Variants in PLSCR1 observed in about 807,000 individuals in gnomAD.
The protein encoded by PLSCR1 is phospholipid scramblase 1.
PLSCR1 carries 17 observed loss-of-function variants against 37.8 expected under a neutral mutation model. The ratio of observed to expected loss-of-function variants is 0.45; its 90% confidence interval spans 0.31 to 0.68. The LOEUF is 0.68. Among genes scored for constraint, PLSCR1 ranks in the 30% least tolerant of loss-of-function variants. PLSCR1 has a pLI of 0.06. For synonymous variants in PLSCR1, 116 were observed against 125.9 expected, an observed-to-expected ratio of 0.92 and a Z score of 0.53; for missense variants, 347 against 380.9, an observed-to-expected ratio of 0.91 and a Z score of 0.74.
At chr3:146,533,613 A>C in intron 2 of PLSCR1, 63 bp from the exon 3 acceptor site, 2 of 969,730 alleles carry the variant, frequency 2.1e-6, no homozygotes, top group Non-Finnish European at 3.3e-6. Flanking sequence ...GAAAGAAACA[A>C]TGTATTGTAC....
rs148442510 is a variant in PLSCR1, at chr3:146,531,316, G to A, written c.94+2154C>T. ...GGCTCAAGAGGAAGTTAAAGAGAGA[G>A]CATGGAAAAGGCCATCCTGAGTTTA... is the stretch of plus-strand genomic sequence containing the variant. On this transcript the variant is annotated intron_variant, in intron 3 of 8. Coordinates refer to ENST00000342435, the MANE Select transcript of PLSCR1 (RefSeq NM_021105.3). Among the ~76,000 whole-genome samples, 555 of 152,276 alleles carry A rather than the reference G, an allele frequency of 3.6e-3. 3 individuals carry two copies. Among genetic ancestry groups the A allele is most frequent in the African/African-American group, 0.013 (539 of 41,568 alleles).
At chr3:146,532,585 G>C (rs2044213751) in intron 3 of PLSCR1, among the ~76,000 whole-genome samples, 2 of 152,142 alleles carry the variant, frequency 1.3e-5, no homozygotes, top group South Asian at 2.1e-4. Flanking sequence ...GAGGTTTCTT[G>C]CTAGGCAATT....
Position 146,526,191 on chromosome 3 carries a change from AAAAAAAAAAAAAAG to A in PLSCR1, c.313-558_313-545del, listed in dbSNP as rs1404916484. Among the ~76,000 whole-genome samples, 269 of 143,276 alleles carry A rather than the reference AAAAAAAAAAAAAAG, an allele frequency of 1.9e-3. 4 individuals carry two copies. The highest frequency in any genetic ancestry group is 6.5e-3 in the African/African-American group (258 of 39,570). The allele number at this position is 143,276 out of a possible 152,430, so 94.0% of individuals were successfully genotyped here. ...AGCGTGAGACTCCATCTCAAAAAAAAAAAAAAAAAAAAAGAAAGAAAAAAAAAAGAAAAGAAAAT... is the reference window on the plus strand; with the variant it reads ...AGCGTGAGACTCCATCTCAAAAAAAAAAAGAAAAAAAAAAGAAAAGAAAAT... On this transcript the variant is annotated intron_variant, in intron 4 of 8. Coordinates refer to ENST00000342435, the MANE Select transcript of PLSCR1 (RefSeq NM_021105.3).
chr3:146,524,945 T>A (rs1488481471), intron 5 of PLSCR1, among the ~76,000 whole-genome samples: 1 of 152,222 alleles, frequency 6.6e-6, no homozygotes. Flanking sequence ...CTATGGTTCA[T>A]AAATCTATCC....
At chr3:146,537,474 T>C (rs574592905) in intron 1 of PLSCR1, among the ~76,000 whole-genome samples, 3 of 152,284 alleles carry the variant, frequency 2.0e-5, no homozygotes, top group African/African-American at 7.2e-5. Flanking sequence ...CTTTAAATTA[T>C]CTTACTGTGC....
At chr3:146,529,986 C>A (rs1015889887) in intron 3 of PLSCR1, among the ~76,000 whole-genome samples, 3 of 152,086 alleles carry the variant, frequency 2.0e-5, no homozygotes, top group Admixed American at 2.0e-4. Flanking sequence ...ATCCTTTGGT[C>A]TCTGGAAAAT....
rs140317004 is a variant in PLSCR1, at chr3:146,528,191, C to T, written c.312+423G>A. ...AGCACTTCGCTCAGTACCAAAGTTT[C>T]GGGATTAAAAAAACAGTCTTGACTC... On this transcript the variant is annotated intron_variant, in intron 4 of 8. Coordinates refer to ENST00000342435, the MANE Select transcript of PLSCR1 (RefSeq NM_021105.3). 1.5e-3 allele frequency: 246 copies of T among 164,308 alleles called. 2 individuals carry two copies. Among genetic ancestry groups the T allele is most frequent in the African/African-American group, 5.6e-3 (233 of 41,690 alleles). 10.2% of individuals were successfully genotyped at this position (164,308 alleles called of 1,614,324 possible). A position where few individuals can be genotyped will look rare whatever the true frequency, so the allele number is the denominator to read the frequency against.
chr3:146,517,377 T>A, intron 7 of PLSCR1: 1 of 278,580 alleles, frequency 3.6e-6, no homozygotes, highest in Non-Finnish European at 6.6e-6. Context: ...AAAGTTTTCC[T>A]GAAATATTTA....
chr3:146,533,869 TTACA>T (rs1285803589), intron 2 of PLSCR1, among the ~76,000 whole-genome samples: 3 of 152,112 alleles, frequency 2.0e-5, no homozygotes, highest in Non-Finnish European at 4.4e-5. Flanking sequence ...AGCTTTAAAA[TTACA>T]TACAGACTAC....
At chr3:146,528,064 A>C (rs2044143927) in intron 4 of PLSCR1, 1 of 152,352 alleles carries the variant, frequency 6.6e-6, no homozygotes, top group African/African-American at 2.4e-5. Context: ...TATACATAAA[A>C]TATTAACCCC....
In PLSCR1 at chr3:146,515,538, T is replaced by C. The variant is rs1259357011; in HGVS notation, c.*507A>G. 1 of 151,960 alleles carries C rather than the reference T, an allele frequency of 6.6e-6. No individual in the cohort carries two copies. Among genetic ancestry groups the C allele is most frequent in the Non-Finnish European group, 1.5e-5 (1 of 67,954 alleles). The allele number at this position is 151,960 out of a possible 1,614,324, so 9.4% of individuals were successfully genotyped here. ...AGGAGAAGTTAAGTGTAGCATGATT[T>C]CTTGAAGATTAAAAAAACATTTAAC... is the stretch of plus-strand genomic sequence containing the variant. On this transcript the variant is annotated 3_prime_UTR_variant, in exon 9 of 9. Transcript: ENST00000342435.
intron 1 of PLSCR1, among the ~76,000 whole-genome samples, chr3:146,544,264 T>C (rs1241024064): frequency 1.3e-5 from 2 of 152,188 alleles, no homozygotes; most frequent in Non-Finnish European, 2.9e-5. Context: ...CCAGGGTCCC[T>C]TTCAGAGGCC....
intron 1 of PLSCR1, among the ~76,000 whole-genome samples, chr3:146,543,305 G>A (rs1015691869): frequency 2.0e-5 from 3 of 152,156 alleles, no homozygotes; most frequent in African/African-American, 7.2e-5. Context: ...AAGGCAGTTT[G>A]ATCTATAAAC....
chr3:146,521,401 C>A, intron 7 of PLSCR1, 143 bp downstream of exon 7: 1 of 732,962 alleles, frequency 1.4e-6, no homozygotes, highest in East Asian at 2.6e-5. Context: ...ACCACTCTGC[C>A]CAAAGTTAAA....
intron 4 of PLSCR1, among the ~76,000 whole-genome samples, chr3:146,527,201 A>G (rs2044130184): frequency 6.6e-6 from 1 of 152,158 alleles, no homozygotes; most frequent in African/African-American, 2.4e-5. Flanking sequence ...GGAGAGGTAT[A>G]AAGAGAAGTT....
At chr3:146,529,376 T>G (rs779826055) in intron 3 of PLSCR1, among the ~76,000 whole-genome samples, 1 of 152,136 alleles carries the variant, frequency 6.6e-6, no homozygotes, top group Non-Finnish European at 1.5e-5. Flanking sequence ...AAGATAATAC[T>G]GCATCTGGTG....
intron 1 of PLSCR1, among the ~76,000 whole-genome samples, chr3:146,537,114 A>G (rs950598223): frequency 2.1e-5 from 3 of 141,046 alleles, no homozygotes; most frequent in Admixed American, 1.4e-4. Context: ...CCGTGCATTC[A>G]GAGATTTTTT....
chr3:146,536,212 T>A (rs2044262339), intron 2 of PLSCR1, among the ~76,000 whole-genome samples: 1 of 152,234 alleles, frequency 6.6e-6, no homozygotes. Context: ...TTAGTATGAC[T>A]TGAATAATCT....
intron 4 of PLSCR1, 110 bp downstream of exon 4, chr3:146,528,504 A>C: frequency 1.2e-6 from 1 of 853,776 alleles, no homozygotes; most frequent in Middle Eastern, 2.3e-4. Context: ...TTAGCAGAAA[A>C]TACAGTTTTG....
Sources: allele counts gnomAD v4.1 joint callset (sites outside exome capture counted in the v4.1 genomes callset), GRCh38; gene constraint gnomAD v4.1.1; transcripts MANE v1.5; gene names NCBI Gene and HGNC (gene_info 2026-07-23, HGNC 2026-07-21).